CADPS: variants seen among roughly 807,000 people sequenced by gnomAD.
CADPS encodes calcium-dependent secretion activator 1.
In CADPS, 57 loss-of-function variants were observed where a neutral mutation model predicts 167.3. The observed-to-expected ratio is 0.34, with a 90% CI of 0.28 to 0.42. CADPS has a LOEUF of 0.42. Ranked by LOEUF, CADPS falls within the 20% of genes least tolerant of loss-of-function variation. The pLI is 1.00. For missense variants in CADPS, 1,414 were observed against 1,738.1 expected (o/e 0.81, Z 3.32); for synonymous variants, 676 against 635.3 (o/e 1.06, Z -0.96).
At chr3:62,862,285 C>T (rs1256860266) in intron 1 of CADPS, among the ~76,000 whole-genome samples, 1 of 147,872 alleles carries the variant, frequency 6.8e-6, no homozygotes, top group East Asian at 2.0e-4. Context: ...GATGCTATCT[C>T]GGCTCACTGC....
At chr3:62,760,704 A>G (rs1424137916) in intron 2 of CADPS, among the ~76,000 whole-genome samples, 1 of 152,166 alleles carries the variant, frequency 6.6e-6, no homozygotes, top group Non-Finnish European at 1.5e-5. Flanking sequence ...GGTACCATGG[A>G]ATAGTTGTAG....
intron 1 of CADPS, among the ~76,000 whole-genome samples, chr3:62,872,404 T>C (rs1037152987): frequency 1.3e-5 from 2 of 151,946 alleles, no homozygotes; most frequent in South Asian, 4.1e-4. Context: ...AATAAGGAGA[T>C]ATATATATAT....
At chr3:62,651,174 A>T in intron 4 of CADPS, 94 bp from the exon 5 acceptor site, 1 of 814,332 alleles carries the variant, frequency 1.2e-6, no homozygotes, top group Non-Finnish European at 2.0e-6. Flanking sequence ...TTAGAATCAC[A>T]TCTACTACTA....
At chr3:62,782,220 A>G (rs1209283893) in intron 1 of CADPS, among the ~76,000 whole-genome samples, 3 of 152,230 alleles carry the variant, frequency 2.0e-5, no homozygotes, top group Admixed American at 6.5e-5. Flanking sequence ...CAAGGTGGGC[A>G]TTAATGAAGC....
chr3:62,476,673 T>C (rs537888340), intron 23 of CADPS, among the ~76,000 whole-genome samples: 6 of 152,132 alleles, frequency 3.9e-5, no homozygotes, highest in Non-Finnish European at 8.8e-5. Context: ...CATCCTCATA[T>C]CTGTCCATTT....
intron 1 of CADPS, among the ~76,000 whole-genome samples, chr3:62,850,012 G>A (rs1246080959): frequency 8.7e-6 from 1 of 115,376 alleles, no homozygotes; most frequent in African/African-American, 3.3e-5. Flanking sequence ...TTGGGAGAGT[G>A]TATGTGTCGA....
intron 26 of CADPS, among the ~76,000 whole-genome samples, chr3:62,456,256 T>C (rs1029376529): frequency 1.3e-5 from 2 of 152,348 alleles, no homozygotes; most frequent in Middle Eastern, 3.4e-3. Flanking sequence ...CCATCTGTAT[T>C]ATAGTTACTT....
Position 62,544,401 on chromosome 3 carries a change from C to A in CADPS, c.1966+5502G>T, listed in dbSNP as rs555981917. Among the ~76,000 whole-genome samples, 9 of 151,772 alleles carry A rather than the reference C, an allele frequency of 5.9e-5. No homozygotes were observed. The highest frequency in any genetic ancestry group is 1.9e-4 in the African/African-American group (8 of 41,284). ...CCACACCACTGGTACTCTGACCATT[C>A]GAATCTTTGGAATGGGAAAGGAAAA... On this transcript the variant is annotated intron_variant, in intron 11 of 29. Coordinates refer to ENST00000383710, the MANE Select transcript of CADPS (RefSeq NM_003716.4). The surrounding 1 kb of genome is among the most constrained non-coding windows in gnomAD (Gnocchi z 4.4).
chr3:62,530,511 T>A (rs1435208572), intron 13 of CADPS: 3 of 424,870 alleles, frequency 7.1e-6, no homozygotes, highest in Admixed American at 5.7e-5. Context: ...AATTTTTTTT[T>A]AAAATTGCAC....
chr3:62,411,049 G>T (rs559278335), intron 28 of CADPS, among the ~76,000 whole-genome samples: 9 of 152,260 alleles, frequency 5.9e-5, no homozygotes, highest in Admixed American at 5.2e-4. Flanking sequence ...GGGTTCCAGT[G>T]CTATGATTGT....
chr3:62,847,314 C>T, intron 1 of CADPS, among the ~76,000 whole-genome samples: 1 of 135,322 alleles, frequency 7.4e-6, no homozygotes, highest in Admixed American at 7.8e-5. Flanking sequence ...TTTTAGGGTA[C>T]ATGTGCACAT....
At chr3:62,694,102 G>A (rs1426333432) in intron 3 of CADPS, among the ~76,000 whole-genome samples, 1 of 152,080 alleles carries the variant, frequency 6.6e-6, no homozygotes, top group African/African-American at 2.4e-5. Flanking sequence ...AGCTACACAT[G>A]GGCTTAACCC....
chr3:62,677,410 A>C (rs2150952698), intron 3 of CADPS, among the ~76,000 whole-genome samples: 1 of 152,248 alleles, frequency 6.6e-6, no homozygotes, highest in South Asian at 2.1e-4. Flanking sequence ...ATAAGTTCTC[A>C]GTAGTTATTA....
At chr3:62,503,620 G>A (rs974174373) in intron 17 of CADPS, among the ~76,000 whole-genome samples, 1 of 152,164 alleles carries the variant, frequency 6.6e-6, no homozygotes, top group Non-Finnish European at 1.5e-5. Context: ...GTATCTGATT[G>A]TTTCCAGCTC....
rs1194937039 is a variant in CADPS, at chr3:62,420,727, T to G, written c.3777+17377A>C. 6.6e-6 allele frequency among the ~76,000 whole-genome samples: 1 copy of G among 152,212 alleles called. No individual in the cohort carries two copies. The highest frequency in any genetic ancestry group is 6.5e-5 in the Admixed American group (1 of 15,288). ...TAAAAGTTAACATGTGTTTTCACCA[T>G]GTACAGCTGGGTTCTGCCTCCAATG... On this transcript the variant is annotated intron_variant, in intron 28 of 29. Transcript: ENST00000383710. The surrounding 1 kb of genome is among the most constrained non-coding windows in gnomAD (Gnocchi z 4.1).
chr3:62,859,544 T>G (rs1429530668), intron 1 of CADPS, among the ~76,000 whole-genome samples: 1 of 152,224 alleles, frequency 6.6e-6, no homozygotes, highest in Non-Finnish European at 1.5e-5. Flanking sequence ...TTCTGATTAA[T>G]TGAAACAAGT....
At chr3:62,518,837 T>C (rs2069666124) in intron 13 of CADPS, among the ~76,000 whole-genome samples, 1 of 152,152 alleles carries the variant, frequency 6.6e-6, no homozygotes, top group Non-Finnish European at 1.5e-5. Flanking sequence ...ACGTCTTAAA[T>C]GGCTCAATTT....
chr3:62,506,484 T>G (rs2066713878), intron 17 of CADPS, among the ~76,000 whole-genome samples: 1 of 152,204 alleles, frequency 6.6e-6, no homozygotes, highest in Admixed American at 6.5e-5. Flanking sequence ...ATAACACTCT[T>G]GTAATGGTTT....
At chr3:62,642,105 T>C (rs1336202580) in intron 6 of CADPS, among the ~76,000 whole-genome samples, 2 of 45,400 alleles carry the variant, frequency 4.4e-5, no homozygotes, top group East Asian at 1.1e-3. Context: ...TTTTTGGCTA[T>C]ACTTGAAAAA....
Sources: gnomAD v4.1 joint callset for allele counts (sites outside exome capture counted in the v4.1 genomes callset) on GRCh38, gnomAD v4.1.1 for gene constraint, Gnocchi (gnomAD v3.1) non-coding constraint, MANE v1.5 for transcripts, NCBI Gene and HGNC (gene_info 2026-07-23, HGNC 2026-07-21) for gene names.